The following RNF128 variants were observed in gnomAD, a reference collection of about 807,000 sequenced individuals.
RNF128 encodes the protein ring finger protein 128, also known as E3 ubiquitin-protein ligase RNF128.
In RNF128, 13 loss-of-function variants were observed where a neutral mutation model predicts 26.2. The ratio of observed to expected loss-of-function variants is 0.50; its 90% CI spans 0.32 to 0.79. The LOEUF (loss-of-function observed/expected upper bound fraction) is 0.79, where lower values mean the gene tolerates loss of function less well. RNF128 is among the 30% of genes least tolerant of loss of function. RNF128 has a pLI of 0.03. For missense variants in RNF128, 315 were observed against 349.7 expected (o/e 0.90, Z 0.79); for synonymous variants, 149 against 142.5 (o/e 1.05, Z -0.32).
intron 1 of RNF128, among the ~76,000 whole-genome samples, chrX:106,699,507 A>G (rs912433073): frequency 1.1e-4 from 12 of 111,472 alleles, no homozygotes; most frequent in Admixed American, 3.8e-4. Context: ...CAGCTCTCGC[A>G]CTGACTACTG....
At chrX:106,747,263 A>G (rs775455986) in intron 1 of RNF128, among the ~76,000 whole-genome samples, 1 of 111,898 alleles carries the variant, frequency 8.9e-6, no homozygotes, top group Non-Finnish European at 1.9e-5. Context: ...CCTTTGAAAC[A>G]AAGTACAGAT....
Position 106,795,833 on chromosome X carries a change from A to G in RNF128, c.*120A>G. 1.8e-6 allele frequency: 1 copy of G among 549,833 alleles called. No individual in the cohort carries two copies. The highest frequency in any genetic ancestry group is 2.7e-6 in the Non-Finnish European group (1 of 366,067). 45.3% of individuals were successfully genotyped at this position (549,833 alleles called of 1,213,427 possible). Reference sequence around the variant, plus strand: ...TAAGAGTGATACTGAAAGTGCTCAGATGACTAATATTATGCTATAGTTAAA... The same window carrying G: ...TAAGAGTGATACTGAAAGTGCTCAGGTGACTAATATTATGCTATAGTTAAA... On this transcript the variant is annotated 3_prime_UTR_variant, in exon 7 of 7. Coordinates refer to ENST00000255499, the MANE Select transcript of RNF128 (RefSeq NM_194463.2).
intron 1 of RNF128, among the ~76,000 whole-genome samples, chrX:106,771,150 G>A (rs974422961): frequency 1.8e-5 from 2 of 112,432 alleles, no homozygotes; most frequent in Non-Finnish European, 1.9e-5. Context: ...ACTGTATGAG[G>A]TGTCAGTCGG....
intron 1 of RNF128, among the ~76,000 whole-genome samples, chrX:106,712,382 T>A (rs889583204): frequency 5.3e-5 from 6 of 112,304 alleles, no homozygotes; most frequent in Non-Finnish European, 1.1e-4. Context: ...AGAAAAAAGT[T>A]AATTTTAAGA....
intron 1 of RNF128, among the ~76,000 whole-genome samples, chrX:106,728,966 A>G (rs1929455776): frequency 8.9e-6 from 1 of 112,255 alleles, no homozygotes; most frequent in African/African-American, 3.2e-5. Flanking sequence ...GAAAATCAAG[A>G]ATAAAGACCT....
At chrX:106,723,671 C>CT (rs1214166259), upstream of RNF128, among the ~76,000 whole-genome samples, 1 of 110,979 alleles carries the variant, frequency 9.0e-6, no homozygotes, top group Non-Finnish European at 1.9e-5. Context: ...ACCTTTGCAA[C>CT]TTTATATCCC....
intron 1 of RNF128, among the ~76,000 whole-genome samples, chrX:106,717,828 G>A (rs1188772328): frequency 1.8e-5 from 2 of 112,142 alleles, no homozygotes; most frequent in Non-Finnish European, 3.8e-5. Context: ...TAGCAATACT[G>A]TTTCATTGAA....
intron 1 of RNF128, among the ~76,000 whole-genome samples, chrX:106,716,676 C>T (rs1300102922): frequency 2.7e-5 from 3 of 110,686 alleles, no homozygotes; most frequent in Non-Finnish European, 5.7e-5. Context: ...TCTTGCCAAT[C>T]ATTTACTTGC....
intron 3 of RNF128, among the ~76,000 whole-genome samples, chrX:106,786,211 A>G (rs1930655505): frequency 8.9e-6 from 1 of 111,926 alleles, no homozygotes; most frequent in Non-Finnish European, 1.9e-5. Context: ...GTCGTATTGG[A>G]AAAAGGATAG....
chrX:106,759,087 G>A (rs1336058099), intron 1 of RNF128, among the ~76,000 whole-genome samples: 1 of 111,832 alleles, frequency 8.9e-6, no homozygotes, highest in Non-Finnish European at 1.9e-5. Flanking sequence ...TCACTAAATA[G>A]GAAAATATCT....
exon 1 of RNF128, chrX:106,694,343 C>T (rs767661159): frequency 1.7e-6 from 2 of 1,206,467 alleles, no homozygotes; most frequent in Admixed American, 2.2e-5. Flanking sequence ...AGAAGAAATG[C>T]TGATGCTGTT....
At chrX:106,704,988 G>T (rs1929022468) in intron 1 of RNF128, among the ~76,000 whole-genome samples, 2 of 111,941 alleles carry the variant, frequency 1.8e-5, no homozygotes, top group African/African-American at 6.5e-5. Context: ...GGGCAGAGCT[G>T]AACAGATTAG....
chrX:106,757,477 C>T (rs1226782232), intron 1 of RNF128, among the ~76,000 whole-genome samples: 1,004 of 68,090 alleles, frequency 0.015, 26 homozygotes, highest in African/African-American at 0.055. Context: ...AGTAAACTAT[C>T]GCAAGAACAA....
intron 1 of RNF128, among the ~76,000 whole-genome samples, chrX:106,760,992 G>T (rs1930111344): frequency 8.9e-6 from 1 of 111,840 alleles, no homozygotes. Flanking sequence ...ACAACCTACA[G>T]AATGGGAGAA....
In RNF128 at chrX:106,727,117, G is replaced by C. The variant is rs368234138; in HGVS notation, c.204G>C (p.Glu68Asp). The change falls in exon 1 of 7, where the codon GAG becomes GAC. Residue 68 changes from glutamate (E) to aspartate (D), a missense_variant. Glu to Asp is a conservative substitution (Grantham distance 45). Coordinates refer to ENST00000255499, the MANE Select transcript of RNF128 (RefSeq NM_194463.2). The stretch of plus-strand genomic sequence containing the variant: ...GTACGGTGTGGGAGCTGAGCGAGGA[G>C]GGCGTGTACGGCCAGGACTCGCCGC... Reference protein sequence around the residue: ...VNRTVWELSEEGVYGQDSPLE... With the variant: ...VNRTVWELSEDGVYGQDSPLE... 4.1e-6 allele frequency: 5 copies of C among 1,205,423 alleles called. No individual in the cohort carries two copies. The Admixed American group carries it at 8.8e-5, about 21-fold the overall frequency.
chrX:106,744,894 C>A (rs1278355479), intron 1 of RNF128, among the ~76,000 whole-genome samples: 4 of 111,416 alleles, frequency 3.6e-5, no homozygotes, highest in African/African-American at 6.5e-5. Flanking sequence ...GTCCTGAGAC[C>A]AAAAAATTGG....
At chrX:106,734,292 C>G (rs1929551359) in intron 1 of RNF128, among the ~76,000 whole-genome samples, 1 of 111,717 alleles carries the variant, frequency 9.0e-6, no homozygotes, top group Admixed American at 9.5e-5. Context: ...AATATACTTA[C>G]TAGCCTTAAA....
intron 2 of RNF128, among the ~76,000 whole-genome samples, chrX:106,774,007 G>A (rs906133690): frequency 2.7e-5 from 3 of 111,207 alleles, no homozygotes; most frequent in Non-Finnish European, 5.7e-5. Context: ...CCTACTCTAT[G>A]TCTTCACCTT....
chrX:106,777,767 C>T (rs945309992), intron 2 of RNF128, among the ~76,000 whole-genome samples: 16 of 111,188 alleles, frequency 1.4e-4, no homozygotes, highest in Non-Finnish European at 3.8e-5. Context: ...CCCAGGAGTT[C>T]CAGACCAACC....
Sources: gnomAD v4.1 joint callset for allele counts (sites outside exome capture counted in the v4.1 genomes callset) on GRCh38, gnomAD v4.1.1 for gene constraint, MANE v1.5 for transcripts, NCBI Gene and HGNC (gene_info 2026-07-23, HGNC 2026-07-21) for gene names.